DNAJC5B: variants seen among roughly 807,000 people sequenced by gnomAD.
The protein encoded by DNAJC5B is dnaJ homolog subfamily C member 5B.
In DNAJC5B, 23 loss-of-function variants were observed where a neutral mutation model predicts 24.7. The observed-to-expected ratio is 0.93, with a 90% CI of 0.67 to 1.32. The LOEUF (loss-of-function observed/expected upper bound fraction) is 1.32. DNAJC5B is among the 40% of genes most tolerant of loss of function. DNAJC5B has a pLI of 0.00. For missense variants in DNAJC5B, 238 were observed against 240.8 expected (o/e 0.99, Z 0.08); for synonymous variants, 101 against 90.1 (o/e 1.12, Z -0.68).
intron 5 of DNAJC5B, among the ~76,000 whole-genome samples, chr8:66,085,005 T>G (rs1216300238): frequency 6.6e-6 from 1 of 152,176 alleles, no homozygotes; most frequent in Non-Finnish European, 1.5e-5. Context: ...GAGGTTTAGG[T>G]TCAGACTCTT....
intron 2 of DNAJC5B, among the ~76,000 whole-genome samples, chr8:66,050,637 A>G (rs1806825277): frequency 6.6e-6 from 1 of 152,228 alleles, no homozygotes; most frequent in Admixed American, 6.5e-5. Flanking sequence ...AGGTCTCAGG[A>G]AAAGCACAAG....
At chr8:66,066,904 A>G (rs1807228376) in intron 3 of DNAJC5B, among the ~76,000 whole-genome samples, 1 of 152,230 alleles carries the variant, frequency 6.6e-6, no homozygotes, top group South Asian at 2.1e-4. Context: ...ACAGATGTAT[A>G]AAAACCTGAC....
chr8:66,096,020 T>C (rs965133121), intron 5 of DNAJC5B, among the ~76,000 whole-genome samples: 18 of 152,204 alleles, frequency 1.2e-4, no homozygotes, highest in Non-Finnish European at 4.4e-5. Context: ...ATAAAGCTAA[T>C]TTATTGTATA....
chr8:66,079,372 A>G (rs1036345119), intron 4 of DNAJC5B, among the ~76,000 whole-genome samples: 3 of 152,218 alleles, frequency 2.0e-5, no homozygotes, highest in African/African-American at 7.2e-5. Flanking sequence ...TTCTAAAAGT[A>G]TCACTTAAAA....
At chr8:66,069,863 G>C (rs376344655) in intron 3 of DNAJC5B, among the ~76,000 whole-genome samples, 1 of 152,190 alleles carries the variant, frequency 6.6e-6, no homozygotes, top group Non-Finnish European at 1.5e-5. Context: ...TGTCCATCAC[G>C]AACAAGTTGG....
chr8:66,086,654 A>G (rs905801395), intron 5 of DNAJC5B, among the ~76,000 whole-genome samples: 1 of 152,308 alleles, frequency 6.6e-6, no homozygotes, highest in South Asian at 2.1e-4. Flanking sequence ...AAACTAATTA[A>G]GATGAGACAA....
chr8:66,061,021 G>A (rs1453066663), intron 3 of DNAJC5B, among the ~76,000 whole-genome samples: 1 of 147,538 alleles, frequency 6.8e-6, no homozygotes, highest in East Asian at 1.9e-4. Flanking sequence ...GGGAGTGTTA[G>A]GTAGGAGTAT....
intron 2 of DNAJC5B, among the ~76,000 whole-genome samples, chr8:66,050,518 T>C (rs1306514453): frequency 2.0e-5 from 3 of 152,210 alleles, no homozygotes; most frequent in Non-Finnish European, 4.4e-5. Flanking sequence ...TTTCACCATC[T>C]GATAGATAGT....
chr8:66,040,574 T>C (rs1178625627), intron 1 of DNAJC5B, among the ~76,000 whole-genome samples: 1 of 152,190 alleles, frequency 6.6e-6, no homozygotes, highest in Admixed American at 6.5e-5. Context: ...GCAGGTGTTT[T>C]CCACATTACT....
intron 3 of DNAJC5B, chr8:66,056,600 A>C (rs1036487330): frequency 1.3e-5 from 2 of 152,254 alleles, no homozygotes; most frequent in Non-Finnish European, 2.9e-5. Flanking sequence ...GTAGATTGTT[A>C]TTGGAACCAC....
intron 5 of DNAJC5B, among the ~76,000 whole-genome samples, chr8:66,084,184 AC>A (rs1807668186): frequency 6.6e-6 from 1 of 152,216 alleles, no homozygotes; most frequent in African/African-American, 2.4e-5. Flanking sequence ...TCATCTGAAG[AC>A]TAAGCTTTCT....
chr8:66,030,430 A>G (rs551622365), intron 1 of DNAJC5B, among the ~76,000 whole-genome samples: 2 of 152,296 alleles, frequency 1.3e-5, no homozygotes, highest in South Asian at 2.1e-4. Flanking sequence ...TTCTGACTGC[A>G]TCTTTTCTTA....
chr8:66,017,181 C>T (rs1379248626), upstream of DNAJC5B, among the ~76,000 whole-genome samples: 1 of 152,122 alleles, frequency 6.6e-6, no homozygotes, highest in Non-Finnish European at 1.5e-5. Flanking sequence ...ATGACTTGAG[C>T]ATTGTGTTTC....
At chr8:66,045,454 T>A (rs1806702693) in intron 2 of DNAJC5B, among the ~76,000 whole-genome samples, 1 of 152,244 alleles carries the variant, frequency 6.6e-6, no homozygotes, top group South Asian at 2.1e-4. Context: ...TGTGATTCAA[T>A]TTTTAAATGA....
At chr8:66,056,294 G>A (rs117871712) in intron 3 of DNAJC5B, among the ~76,000 whole-genome samples, 4,118 of 152,208 alleles carry the variant, frequency 0.027, 95 homozygotes, top group Non-Finnish European at 0.042. Flanking sequence ...CACAGAAACA[G>A]CAAGGGGCAC....
At chr8:66,077,537 G>A (rs1471363224) in intron 4 of DNAJC5B, among the ~76,000 whole-genome samples, 1 of 152,014 alleles carries the variant, frequency 6.6e-6, no homozygotes, top group African/African-American at 2.4e-5. Context: ...GTTTGGTGAT[G>A]GTTTTTATTT....
chr8:66,082,128 T>C (rs552705693), intron 5 of DNAJC5B, among the ~76,000 whole-genome samples: 2 of 152,220 alleles, frequency 1.3e-5, no homozygotes, highest in Admixed American at 6.5e-5. Context: ...TGTCAGGGGT[T>C]GCTGGCCCCA....
intron 4 of DNAJC5B, among the ~76,000 whole-genome samples, chr8:66,078,636 A>C (rs1487478471): frequency 6.6e-6 from 1 of 152,214 alleles, no homozygotes; most frequent in Non-Finnish European, 1.5e-5. Context: ...TCTTGGGGCA[A>C]TGGCTCAAGA....
intron 2 of DNAJC5B, among the ~76,000 whole-genome samples, chr8:66,050,212 G>A (rs1014675291): frequency 6.6e-6 from 1 of 152,198 alleles, no homozygotes; most frequent in African/African-American, 2.4e-5. Flanking sequence ...TGCTCAGGGA[G>A]CTGCCACTGG....
Sources: allele counts gnomAD v4.1 joint callset (sites outside exome capture counted in the v4.1 genomes callset), GRCh38; gene constraint gnomAD v4.1.1; transcripts MANE v1.5; gene names NCBI Gene and HGNC (gene_info 2026-07-23, HGNC 2026-07-21).